ERC1: variants seen among roughly 807,000 people sequenced by gnomAD.
The protein encoded by ERC1 is RAB6 interacting protein 2.
ERC1 carries 56 observed loss-of-function variants against 132.0 expected under a neutral mutation model. That is an observed-to-expected ratio of 0.42 (90% CI 0.34 to 0.53). ERC1 has a LOEUF of 0.53. ERC1 is among the 20% of genes least tolerant of loss of function. ERC1 has a pLI of 0.03. For missense variants in ERC1, 1,202 were observed against 1,349.9 expected (o/e 0.89, Z 1.72); for synonymous variants, 478 against 476.1 (o/e 1.00, Z -0.05).
chr12:1,443,464 A>G (rs1427479066), intron 17 of ERC1: 1 of 152,188 alleles, frequency 6.6e-6, no homozygotes, highest in African/African-American at 2.4e-5. Context: ...TGAGCTCCCA[A>G]TTCATTAGTT....
chr12:1,304,779 CTTTTTTTTTTTTT>C lies in ERC1; in HGVS notation c.2780+14783_2780+14795del, dbSNP rs1186965322. ...GTGAAGTCTTCTGTTTGTTGTAACTCTTTTTTTTTTTTTTTTTTTTTTTTTTTTGAGACGGAGT... is the reference window on the plus strand; with the variant it reads ...GTGAAGTCTTCTGTTTGTTGTAACTCTTTTTTTTTTTTTTTGAGACGGAGT... On this transcript the variant is annotated intron_variant, in intron 15 of 18. Transcript: ENST00000360905. Among the ~76,000 whole-genome samples the C allele has an allele frequency of 2.8e-3, 199 of 70,084 alleles. 2 individuals carry two copies. Among genetic ancestry groups the C allele is most frequent in the Middle Eastern group, 0.015 (1 of 66 alleles). 46.0% of individuals were successfully genotyped at this position (70,084 alleles called of 152,430 possible).
chr12:1,064,087 C>G lies in ERC1; in HGVS notation c.670-19077C>G, dbSNP rs1034236042. On this transcript the variant is annotated intron_variant, in intron 2 of 18. Transcript: ENST00000360905. The stretch of plus-strand genomic sequence containing the variant: ...CTAACAATTTTTTTGCTCCCCACCC[C>G]CTTCATTCAGCAGTTTGAATATATC... Among the ~76,000 whole-genome samples, 59 of 152,250 alleles carry G rather than the reference C, an allele frequency of 3.9e-4. 1 individual carries two copies. The highest frequency in any genetic ancestry group is 1.0e-3 in the African/African-American group (42 of 41,546).
chr12:1,030,995 T>C (rs1427691745), intron 2 of ERC1, among the ~76,000 whole-genome samples: 1 of 152,220 alleles, frequency 6.6e-6, no homozygotes, highest in Admixed American at 6.5e-5. Flanking sequence ...ATCTCTGTCA[T>C]TAAGCAACAT....
intron 7 of ERC1, among the ~76,000 whole-genome samples, chr12:1,138,461 T>C (rs1192012709): frequency 6.7e-6 from 1 of 148,900 alleles, no homozygotes; most frequent in South Asian, 2.1e-4. Context: ...TTAAGTTCTA[T>C]AAGTAGAAAA....
intron 15 of ERC1, among the ~76,000 whole-genome samples, chr12:1,311,863 A>G (rs1408948095): frequency 2.6e-5 from 4 of 152,228 alleles, no homozygotes; most frequent in Non-Finnish European, 5.9e-5. Flanking sequence ...CAGCTGGATG[A>G]TAGGAAATTT....
chr12:1,304,538 A>G (rs1022479103), intron 15 of ERC1, among the ~76,000 whole-genome samples: 5 of 152,240 alleles, frequency 3.3e-5, no homozygotes, highest in Non-Finnish European at 7.3e-5. Context: ...CATGAAAAAC[A>G]GTTGGAAGCA....
chr12:1,225,283 G>GAA (rs1024994335), intron 12 of ERC1, among the ~76,000 whole-genome samples: 2 of 151,634 alleles, frequency 1.3e-5, no homozygotes, highest in African/African-American at 4.8e-5. Context: ...ACATAGCAAG[G>GAA]TGCTGTCTCT....
chr12:1,408,316 C>A, intron 17 of ERC1, 69 bp downstream of exon 17: 2 of 1,081,358 alleles, frequency 1.8e-6, no homozygotes, highest in Non-Finnish European at 1.4e-6. Flanking sequence ...TTTGTACTAG[C>A]ATGTTGCAAA....
intron 8 of ERC1, among the ~76,000 whole-genome samples, chr12:1,169,681 T>C (rs1952844342): frequency 6.6e-6 from 1 of 152,174 alleles, no homozygotes; most frequent in Non-Finnish European, 1.5e-5. Flanking sequence ...AAATAAAAAT[T>C]CAATGAGATG....
At chr12:1,431,063 C>T (rs189101752) in intron 17 of ERC1, among the ~76,000 whole-genome samples, 21 of 152,196 alleles carry the variant, frequency 1.4e-4, no homozygotes, top group Admixed American at 6.5e-4. Flanking sequence ...TTAACTTGCC[C>T]GTAGGAACTA....
At chr12:1,072,221 C>T (rs1357305152) in intron 2 of ERC1, among the ~76,000 whole-genome samples, 1 of 152,040 alleles carries the variant, frequency 6.6e-6, no homozygotes. Context: ...AGTATGCATG[C>T]AGGAATTAAA....
intron 8 of ERC1, among the ~76,000 whole-genome samples, chr12:1,171,600 C>G (rs190179482): frequency 1.3e-5 from 2 of 152,196 alleles, no homozygotes; most frequent in African/African-American, 4.8e-5. Context: ...AAGGTCAGAG[C>G]CTTTTTGAAT....
chr12:1,379,684 C>T lies in ERC1; in HGVS notation c.2925+7707C>T, dbSNP rs373328825. Among the ~76,000 whole-genome samples, 11 of 152,178 alleles carry T rather than the reference C, an allele frequency of 7.2e-5. No individual in the cohort carries two copies. In the East Asian group the frequency reaches 9.6e-4, roughly 13 times the overall value. ...GGCAGCTTAGCAGGTGGTTCTGACC[C>T]GGGGTCCTCTGTAGGGTTACTTAGG... On this transcript the variant is annotated intron_variant, in intron 16 of 18. Coordinates refer to ENST00000360905, the MANE Select transcript of ERC1 (RefSeq NM_178040.4).
intron 1 of ERC1, among the ~76,000 whole-genome samples, chr12:1,026,501 G>T (rs1966912904): frequency 6.6e-6 from 1 of 152,174 alleles, no homozygotes; most frequent in Admixed American, 6.5e-5. Flanking sequence ...GTTTTACAAG[G>T]CTACAATACT....
chr12:1,408,759 A>C (rs557384199), intron 17 of ERC1, among the ~76,000 whole-genome samples: 6 of 152,330 alleles, frequency 3.9e-5, no homozygotes, highest in African/African-American at 1.2e-4. Flanking sequence ...CCAGCATGTC[A>C]TGCTTAAGGA....
chr12:1,420,093 A>C (rs2092362106), intron 17 of ERC1, among the ~76,000 whole-genome samples: 1 of 152,122 alleles, frequency 6.6e-6, no homozygotes, highest in African/African-American at 2.4e-5. Flanking sequence ...AAAGCATGAC[A>C]CTGTTCTTCC....
chr12:1,193,601 C>T lies in ERC1; in HGVS notation c.2351+3549C>T, dbSNP rs1027960738. Among the ~76,000 whole-genome samples, 5 of 151,940 alleles carry T rather than the reference C, an allele frequency of 3.3e-5. 1 individual carries two copies. Among genetic ancestry groups the T allele is most frequent in the African/African-American group, 4.8e-5 (2 of 41,334 alleles). ...ATTACAGAGAATAGTCTTGTAAAAT[C>T]GTGGGGCTGGCTAAGCAAGACTGAA... is the stretch of plus-strand genomic sequence containing the variant. On this transcript the variant is annotated intron_variant, in intron 12 of 18. Coordinates refer to ENST00000360905, the MANE Select transcript of ERC1 (RefSeq NM_178040.4).
intron 2 of ERC1, among the ~76,000 whole-genome samples, chr12:1,030,785 G>A (rs1967877330): frequency 6.6e-6 from 1 of 152,100 alleles, no homozygotes; most frequent in Non-Finnish European, 1.5e-5. Flanking sequence ...ATGCTTAGAT[G>A]TGTTTAGATA....
chr12:1,334,526 T>G (rs2083146191), intron 15 of ERC1, among the ~76,000 whole-genome samples: 2 of 152,184 alleles, frequency 1.3e-5, no homozygotes, highest in Non-Finnish European at 2.9e-5. Flanking sequence ...TCAGGTTTGT[T>G]GAAGATCAGA....
Sources: allele counts gnomAD v4.1 joint callset (sites outside exome capture counted in the v4.1 genomes callset), GRCh38; gene constraint gnomAD v4.1.1; transcripts MANE v1.5; gene names NCBI Gene and HGNC (gene_info 2026-07-23, HGNC 2026-07-21).